The following SORCS2 variants were observed in gnomAD, a reference collection of about 807,000 sequenced individuals.
The protein encoded by SORCS2 is sortilin related VPS10 domain containing receptor 2, also known as VPS10 domain-containing receptor SorCS2.
A neutral mutation model predicts 141.6 loss-of-function variants in SORCS2; 100 were observed. The ratio of observed to expected loss-of-function variants is 0.71; its 90% CI spans 0.60 to 0.83. SORCS2 has a LOEUF of 0.83. Among genes scored for constraint, SORCS2 ranks in the 40% least tolerant of loss-of-function variants. The probability of loss-of-function intolerance (pLI) is 0.00; values close to 1 mark genes in which losing one functional copy is unlikely to be tolerated. For synonymous variants in SORCS2, 789 were observed against 676.9 expected, an observed-to-expected ratio of 1.17 and a Z score of -2.57; for missense variants, 1,646 against 1,560.2, an observed-to-expected ratio of 1.05 and a Z score of -0.93.
intron 2 of SORCS2, among the ~76,000 whole-genome samples, chr4:7,427,657 G>A (rs754526515): frequency 1.3e-5 from 2 of 152,080 alleles, no homozygotes; most frequent in Admixed American, 6.5e-5. Context: ...GATCTGCTTC[G>A]TGTGAGACTC....
At chr4:7,609,414 A>G (rs1718263979) in intron 3 of SORCS2, among the ~76,000 whole-genome samples, 1 of 152,112 alleles carries the variant, frequency 6.6e-6, no homozygotes. Context: ...AGGCGCCTCT[A>G]TACAGCCCAC....
At chr4:7,294,583 T>C (rs1716830159) in intron 1 of SORCS2, among the ~76,000 whole-genome samples, 1 of 151,486 alleles carries the variant, frequency 6.6e-6, no homozygotes, top group South Asian at 2.1e-4. Flanking sequence ...GAGAGAGGAC[T>C]GTTTTTGTCC....
At chr4:7,724,699 G>GTGA (rs1308925502) in intron 19 of SORCS2, among the ~76,000 whole-genome samples, 6 of 124,346 alleles carry the variant, frequency 4.8e-5, no homozygotes, top group East Asian at 2.7e-4. Flanking sequence ...GGTGGTGTTG[G>GTGA]TGATGGTGGT....
Position 7,676,161 on chromosome 4 carries a change from G to A in SORCS2, c.1273G>A (p.Ala425Thr), listed in dbSNP as rs749371593. The change falls in exon 9 of 27, where the codon GCG becomes ACG. Residue 425 changes from alanine (A) to threonine (T), a missense_variant. Coordinates refer to ENST00000507866, the MANE Select transcript of SORCS2 (RefSeq NM_020777.3). ...GTCGGACCCACGGGGCGTGCGCTAC[G>A]CGCTGGTGCTGCAGGACGTGCGCAG... ...YQSDPRGVRY[A>T]LVLQDVRSSR... is the part of the protein sequence containing the mutation. 2.7e-5 allele frequency: 42 copies of A among 1,560,196 alleles called. No individual in the cohort carries two copies. Among genetic ancestry groups the A allele is most frequent in the South Asian group, 2.5e-4 (21 of 84,612 alleles).
chr4:7,197,826 G>A (rs975510640), intron 1 of SORCS2, among the ~76,000 whole-genome samples: 3 of 152,204 alleles, frequency 2.0e-5, no homozygotes, highest in African/African-American at 4.8e-5. Context: ...CAGCCTGCCC[G>A]GGTCTGTATC....
At chr4:7,434,422 A>G in intron 2 of SORCS2, 3 of 1,608,812 alleles carry the variant, frequency 1.9e-6, no homozygotes, top group Non-Finnish European at 2.5e-6. Flanking sequence ...CTCTTTGGAG[A>G]GTGGCCTCAG....
At chr4:7,508,454 G>A (rs1239267861) in intron 2 of SORCS2, among the ~76,000 whole-genome samples, 2 of 147,764 alleles carry the variant, frequency 1.4e-5, no homozygotes, top group Non-Finnish European at 3.0e-5. Context: ...GGGTTCAAGT[G>A]ATTCTCCTGA....
At chr4:7,417,609 G>A (rs1459645518) in intron 2 of SORCS2, among the ~76,000 whole-genome samples, 1 of 152,152 alleles carries the variant, frequency 6.6e-6, no homozygotes, top group Admixed American at 6.5e-5. Flanking sequence ...ATGGGGCAAA[G>A]GTGCTTTGTG....
At chr4:7,333,631 C>T (rs1190450502) in intron 1 of SORCS2, among the ~76,000 whole-genome samples, 1 of 152,142 alleles carries the variant, frequency 6.6e-6, no homozygotes, top group Non-Finnish European at 1.5e-5. Context: ...CTGGCCAGGC[C>T]CCTGACTGCG....
chr4:7,484,077 G>T (rs943517020), intron 2 of SORCS2, among the ~76,000 whole-genome samples: 14 of 152,080 alleles, frequency 9.2e-5, no homozygotes, highest in African/African-American at 3.4e-4. Flanking sequence ...ACCTCTCTTT[G>T]CTTGCCTGGT....
At chr4:7,438,316 C>G (rs367652237) in intron 2 of SORCS2, among the ~76,000 whole-genome samples, 102 of 152,342 alleles carry the variant, frequency 6.7e-4, no homozygotes, top group African/African-American at 2.4e-3. Flanking sequence ...TTCCTCTTGA[C>G]CAGACCCAGG....
chr4:7,593,298 C>T (rs2108778236), intron 3 of SORCS2, among the ~76,000 whole-genome samples: 1 of 152,308 alleles, frequency 6.6e-6, no homozygotes, highest in East Asian at 1.9e-4. Flanking sequence ...TAAGATCAGC[C>T]TAGAATCTGG....
chr4:7,398,685 A>G (rs1724376252), intron 2 of SORCS2, among the ~76,000 whole-genome samples: 1 of 152,112 alleles, frequency 6.6e-6, no homozygotes, highest in Non-Finnish European at 1.5e-5. Flanking sequence ...TCTTTTTATC[A>G]TTTTTAAAAT....
intron 2 of SORCS2, among the ~76,000 whole-genome samples, chr4:7,411,760 G>C (rs143204483): frequency 6.6e-6 from 1 of 152,162 alleles, no homozygotes; most frequent in African/African-American, 2.4e-5. Flanking sequence ...GTAATCTACC[G>C]TATGGTGGGG....
chr4:7,727,061 C>T (rs1441865248), intron 21 of SORCS2, among the ~76,000 whole-genome samples, 158 bp downstream of exon 21: 7 of 152,194 alleles, frequency 4.6e-5, no homozygotes, highest in African/African-American at 1.2e-4. Context: ...CCTGCCCTGG[C>T]TGTGTGGCCT....
At chr4:7,319,774 T>A (rs1197554549) in intron 1 of SORCS2, among the ~76,000 whole-genome samples, 1 of 152,190 alleles carries the variant, frequency 6.6e-6, no homozygotes, top group Non-Finnish European at 1.5e-5. Flanking sequence ...TTTAAAAATA[T>A]AGAAGTTTTG....
At chr4:7,450,857 AGAGT>A (rs1480035009) in intron 2 of SORCS2, among the ~76,000 whole-genome samples, 5 of 151,986 alleles carry the variant, frequency 3.3e-5, no homozygotes, top group Non-Finnish European at 7.4e-5. Context: ...AATGGATGGG[AGAGT>A]GAGTGAACGC....
intron 4 of SORCS2, among the ~76,000 whole-genome samples, chr4:7,649,038 G>A (rs1577894745): frequency 6.6e-6 from 1 of 152,168 alleles, no homozygotes; most frequent in Admixed American, 6.5e-5. Flanking sequence ...CGTCCTCTCT[G>A]GCACCTGGGC....
At chr4:7,691,598 C>T (rs1724260460) in intron 11 of SORCS2, among the ~76,000 whole-genome samples, 1 of 152,080 alleles carries the variant, frequency 6.6e-6, no homozygotes, top group Non-Finnish European at 1.5e-5. Context: ...ATCTGGACAG[C>T]CTCTGTCTGC....
Sources: gnomAD v4.1 joint callset for allele counts (sites outside exome capture counted in the v4.1 genomes callset) on GRCh38, gnomAD v4.1.1 for gene constraint, MANE v1.5 for transcripts, NCBI Gene and HGNC (gene_info 2026-07-23, HGNC 2026-07-21) for gene names.